IL5RA: variants seen among roughly 807,000 people sequenced by gnomAD.
IL5RA encodes interleukin-5 receptor subunit alpha.
A neutral mutation model predicts 50.0 loss-of-function variants in IL5RA; 49 were observed. The observed-to-expected ratio is 0.98, with a 90% CI of 0.78 to 1.24. The LOEUF is 1.24. IL5RA is among the 50% of genes most tolerant of loss of function. IL5RA has a pLI of 0.00. For missense variants in IL5RA, 600 were observed against 500.4 expected, an observed-to-expected ratio of 1.20 and a Z score of -1.90; for synonymous variants, 202 against 174.0, an observed-to-expected ratio of 1.16 and a Z score of -1.26.
chr3:3,080,583 G>GCC, intron 9 of IL5RA, among the ~76,000 whole-genome samples: 1 of 152,208 alleles, frequency 6.6e-6, no homozygotes, highest in Admixed American at 6.5e-5. Flanking sequence ...AAGGCTAAGT[G>GCC]TGCAGGCAGC....
chr3:3,104,389 C>T (rs187543564), intron 3 of IL5RA, among the ~76,000 whole-genome samples: 9 of 152,222 alleles, frequency 5.9e-5, no homozygotes, highest in Admixed American at 2.0e-4. Flanking sequence ...ATTTCAAGGG[C>T]GCAATAGTCA....
At chr3:3,099,640 C>T (rs1439162622) in intron 5 of IL5RA, among the ~76,000 whole-genome samples, 5 of 137,700 alleles carry the variant, frequency 3.6e-5, no homozygotes, top group African/African-American at 1.2e-4. Flanking sequence ...AAAAACAAAA[C>T]CTTCAGATTT....
At chr3:3,076,509 C>A in intron 10 of IL5RA, 22 bp downstream of exon 10, 3 of 1,486,560 alleles carry the variant, frequency 2.0e-6, no homozygotes, top group Non-Finnish European at 1.9e-6. Flanking sequence ...ACTGCAAGCA[C>A]GCAAATGTAA....
chr3:3,090,668 G>T (rs1038952279), intron 9 of IL5RA, among the ~76,000 whole-genome samples: 1 of 147,942 alleles, frequency 6.8e-6, no homozygotes, highest in African/African-American at 2.5e-5. Flanking sequence ...CCGGGTTCAC[G>T]CCATTCTCCT....
Position 3,076,555 on chromosome 3 carries a change from A to G in IL5RA, c.1067T>C (p.Leu356Ser), listed in dbSNP as rs373450831. The part of the protein sequence containing the change: ...VIMATICFIL[L>S]ILSLICKICH... ...CATTTTACAGATAAGCGAGAGAATT[A>G]ACAAGATGAAGCAGATGGTTGCCAT... Residue 356 changes from leucine (L) to serine (S), a missense_variant, in exon 10 of 12, where the codon TTA becomes TCA. By Grantham distance (145) the Leu-to-Ser change is moderately radical. Transcript: ENST00000446632. 24 of 1,610,264 alleles carry G rather than the reference A, an allele frequency of 1.5e-5. No individual in the cohort carries two copies. Among genetic ancestry groups the G allele is most frequent in the Non-Finnish European group, 1.8e-5 (21 of 1,176,734 alleles).
rs1370868039 is a variant in IL5RA, at chr3:3,070,090, T to C, written c.*135A>G. The C allele has an allele frequency of 1.5e-6, 1 of 668,396 alleles. No individual in the cohort carries two copies. Among genetic ancestry groups the C allele is most frequent in the Non-Finnish European group, 2.7e-6 (1 of 370,508 alleles). The allele number at this position is 668,396 out of a possible 1,614,324, so 41.4% of individuals were successfully genotyped here. Reference sequence around the variant, plus strand: ...TTAAGAGATACAAGACTGGTGTGTCTGGGTGTATTGCTTCGCAGGTAAATT... The same window carrying C: ...TTAAGAGATACAAGACTGGTGTGTCCGGGTGTATTGCTTCGCAGGTAAATT... On this transcript the variant is annotated 3_prime_UTR_variant, in exon 12 of 12. Coordinates refer to ENST00000446632, the MANE Select transcript of IL5RA (RefSeq NM_175726.4).
At chr3:3,099,735 T>G (rs1703551878) in intron 5 of IL5RA, among the ~76,000 whole-genome samples, 1 of 151,638 alleles carries the variant, frequency 6.6e-6, no homozygotes, top group Non-Finnish European at 1.5e-5. Context: ...AGTGGCATGA[T>G]CTCAGCTCAC....
At chr3:3,096,289 A>AAAAGAAGAAGAAG (rs367739003) in intron 7 of IL5RA, among the ~76,000 whole-genome samples, 2 of 141,340 alleles carry the variant, frequency 1.4e-5, no homozygotes, top group African/African-American at 5.3e-5. Flanking sequence ...AAAAAAAAAA[A>AAAAGAAGAAGAAG]AAGAAGAAGA....
intron 4 of IL5RA, among the ~76,000 whole-genome samples, 181 bp from the exon 5 acceptor site, chr3:3,102,011 A>G (rs1703676829): frequency 6.6e-6 from 1 of 152,256 alleles, no homozygotes; most frequent in Admixed American, 6.5e-5. Flanking sequence ...TTTCTCAATG[A>G]CACATGAACG....
rs569028072 is a variant in IL5RA, at chr3:3,091,869, G to A, written c.994+355C>T. On this transcript the variant is annotated intron_variant, in intron 9 of 11. Coordinates refer to ENST00000446632, the MANE Select transcript of IL5RA (RefSeq NM_175726.4). ...AAGATGTTACCCTTGAGGAAAACTGGATGAAAGAGACACAGGATCTCTATT... is the reference window on the plus strand; with the variant it reads ...AAGATGTTACCCTTGAGGAAAACTGAATGAAAGAGACACAGGATCTCTATT... 270 of 500,606 alleles carry A rather than the reference G, an allele frequency of 5.4e-4. 1 individual carries two copies. Among genetic ancestry groups the A allele is most frequent in the African/African-American group, 5.3e-3 (259 of 48,784 alleles). 31.0% of individuals were successfully genotyped at this position (500,606 alleles called of 1,614,324 possible).
chr3:3,082,825 A>G (rs1050903961), intron 9 of IL5RA, among the ~76,000 whole-genome samples: 1 of 152,204 alleles, frequency 6.6e-6, no homozygotes, highest in Non-Finnish European at 1.5e-5. Context: ...ACTAGCTCTT[A>G]GGAGATGAAT....
In IL5RA at chr3:3,098,052, C is replaced by T; in HGVS notation, c.527G>A (p.Gly176Asp). 1 of 1,614,086 alleles carries T rather than the reference C, an allele frequency of 6.2e-7. No individual in the cohort carries two copies. Among genetic ancestry groups the T allele is most frequent in the African/African-American group, 1.3e-5 (1 of 75,028 alleles). ...DTQYFLYYRYGSWTEECQEYS... is the reference protein window; with the variant it reads ...DTQYFLYYRYDSWTEECQEYS... ...TTCTTGGCATTCTTCAGTCCAAGAG[C>T]CATACCTAAATTGGAACATTTACGA... The change falls in exon 7 of 12, where the codon GGC (glycine) becomes GAC (aspartate). Residue 176 changes from glycine to aspartate, a missense_variant. Physicochemically the swap from Gly to Asp is moderately conservative, Grantham distance 94 (BLOSUM62 -1). Coordinates refer to ENST00000446632, the MANE Select transcript of IL5RA (RefSeq NM_175726.4).
intron 8 of IL5RA, among the ~76,000 whole-genome samples, chr3:3,094,692 T>C (rs189473469): frequency 6.3e-4 from 96 of 152,304 alleles, no homozygotes; most frequent in South Asian, 3.7e-3. Context: ...ATATCGTTTT[T>C]ATAGTAGCTG....
At chr3:3,074,238 G>C (rs905533230) in intron 11 of IL5RA, among the ~76,000 whole-genome samples, 11 of 152,158 alleles carry the variant, frequency 7.2e-5, no homozygotes, top group Non-Finnish European at 1.5e-5. Context: ...TATTAACTAA[G>C]ATATTCATGT....
At chr3:3,081,414 A>G (rs1188359944) in intron 9 of IL5RA, among the ~76,000 whole-genome samples, 3 of 152,218 alleles carry the variant, frequency 2.0e-5, no homozygotes, top group African/African-American at 7.2e-5. Context: ...GCAGGTTTAT[A>G]GACACCGGAT....
chr3:3,079,026 G>A (rs1402246750), intron 9 of IL5RA, among the ~76,000 whole-genome samples: 3 of 151,902 alleles, frequency 2.0e-5, no homozygotes, highest in Non-Finnish European at 2.9e-5. Flanking sequence ...CCTTGAAACC[G>A]AGTCCTCAGC....
At chr3:3,098,374 A>AAT in intron 5 of IL5RA, 84 bp from the exon 6 acceptor site, 1 of 1,218,374 alleles carries the variant, frequency 8.2e-7, no homozygotes, top group Non-Finnish European at 1.2e-6. Flanking sequence ...TAGTGATGTG[A>AAT]ACGTCGTATT....
In IL5RA at chr3:3,097,992, C is replaced by A. The variant is rs757059135; in HGVS notation, c.587G>T (p.Cys196Phe). ...GAGGATAAAAGTCCTGGGAAACCAG[C>A]ATGCGATATTTCTCCCCAGTGTGTC... ...SKDTLGRNIACWFPRTFILSK... is the reference protein window; with the variant it reads ...SKDTLGRNIAFWFPRTFILSK... Residue 196 changes from cysteine (C) to phenylalanine (F), a missense_variant, in exon 7 of 12, where the codon TGC (cysteine) becomes TTC (phenylalanine). By Grantham distance (205) the Cys-to-Phe change is radical. Coordinates refer to ENST00000446632, the MANE Select transcript of IL5RA (RefSeq NM_175726.4). 2.2e-5 allele frequency: 36 copies of A among 1,614,096 alleles called. No individual in the cohort carries two copies. The highest frequency in any genetic ancestry group is 2.9e-5 in the Non-Finnish European group (34 of 1,180,046).
chr3:3,074,503 A>T (rs759388933), intron 11 of IL5RA, among the ~76,000 whole-genome samples: 12 of 152,176 alleles, frequency 7.9e-5, no homozygotes, highest in Admixed American at 3.9e-4. Context: ...GCATGGTGGC[A>T]TGCTTCTGCA....
Sources: allele counts gnomAD v4.1 joint callset (sites outside exome capture counted in the v4.1 genomes callset), GRCh38; gene constraint gnomAD v4.1.1; transcripts MANE v1.5; gene names NCBI Gene and HGNC (gene_info 2026-07-23, HGNC 2026-07-21).